Variants in ADAM17 observed in about 807,000 individuals in gnomAD.
ADAM17 encodes the protein disintegrin and metalloproteinase domain-containing protein 17.
A neutral mutation model predicts 96.7 loss-of-function variants in ADAM17; 39 were observed. That is an observed-to-expected ratio of 0.40 (90% CI 0.31 to 0.53). The LOEUF (loss-of-function observed/expected upper bound fraction) is 0.53. Ranked by LOEUF, ADAM17 falls within the 20% of genes least tolerant of loss-of-function variation. The pLI, the probability that ADAM17 is intolerant of heterozygous loss-of-function variation, is 0.44. For missense variants in ADAM17, 777 were observed against 1,013.2 expected, an observed-to-expected ratio of 0.77 and a Z score of 3.17; for synonymous variants, 344 against 359.2, an observed-to-expected ratio of 0.96 and a Z score of 0.48.
At position 9,505,282 on chromosome 2, in the gene ADAM17, T is replaced by G. The variant is rs753420524; in HGVS notation, c.1428A>C (p.Lys476Asn). Residue 476 changes from lysine to asparagine, a missense_variant, in exon 12 of 19, where the codon AAA becomes AAC. Lys to Asn is a moderately conservative substitution (Grantham distance 94, BLOSUM62 0). This residue lies in a region of ADAM17 where 446 missense variants were observed against 664.7 expected (regional missense o/e 0.67). Transcript: ENST00000310823. ...CATCCACCCTCGAGTTCCCACAAAC[T>G]TTATTGCTGCGTTCTTGAAAACACT... ...AQECFQERSN[K>N]VCGNSRVDEG... is the part of the protein sequence containing the mutation. 6.2e-7 allele frequency: 1 copy of G among 1,614,220 alleles called. No individual in the cohort carries two copies. The highest frequency in any genetic ancestry group is 8.5e-7 in the Non-Finnish European group (1 of 1,180,044).
At chr2:9,492,853 A>G in intron 17 of ADAM17, 45 bp downstream of exon 17, 1 of 1,527,674 alleles carries the variant, frequency 6.5e-7, no homozygotes. Flanking sequence ...GGAGTTGATC[A>G]AAATTTAAAT....
intron 2 of ADAM17, among the ~76,000 whole-genome samples, chr2:9,538,266 T>C (rs1293673097): frequency 2.0e-5 from 3 of 152,184 alleles, no homozygotes; most frequent in Non-Finnish European, 2.9e-5. Flanking sequence ...TTGTCAGCTG[T>C]TGTACTGAAA....
At position 9,518,259 on chromosome 2, in the gene ADAM17, CAAAAAA is replaced by C. The variant is rs34863481; in HGVS notation, c.958-18_958-13del. Reference sequence around the variant, plus strand: ...TCAAAGCTAAATTGCTTTGAAAGACCAAAAAAAAAAAAAAAAAAAAAAGCATTCTTA... The same window carrying C: ...TCAAAGCTAAATTGCTTTGAAAGACCAAAAAAAAAAAAAAAAGCATTCTTA... On this transcript the variant is annotated splice_polypyrimidine_tract_variant and intron_variant, in intron 8 of 18. Transcript: ENST00000310823. 7.6e-4 allele frequency: 621 copies of C among 816,310 alleles called. No homozygotes were observed. The highest frequency in any genetic ancestry group is 1.6e-3 in the Middle Eastern group (3 of 1,832). 50.6% of individuals were successfully genotyped at this position (816,310 alleles called of 1,614,324 possible).
chr2:9,552,780 C>T lies in ADAM17; in HGVS notation c.97+2729G>A, dbSNP rs564251868. Among the ~76,000 whole-genome samples, 509 of 152,282 alleles carry T rather than the reference C, an allele frequency of 3.3e-3. 1 individual carries two copies. The highest frequency in any genetic ancestry group is 4.9e-3 in the Non-Finnish European group (331 of 68,020). On this transcript the variant is annotated intron_variant, in intron 1 of 18. Coordinates refer to ENST00000310823, the MANE Select transcript of ADAM17 (RefSeq NM_003183.6). ...CTAAGCTCATATGACTCATAACTTT[C>T]CTAAATTATGCAATTCATAACAGTT...
intron 1 of ADAM17, among the ~76,000 whole-genome samples, chr2:9,554,534 A>G: frequency 6.6e-6 from 1 of 152,230 alleles, no homozygotes; most frequent in East Asian, 1.9e-4. Context: ...AAGAAAAAAA[A>G]TACTACACAT....
chr2:9,555,705 C>G lies in ADAM17; in HGVS notation c.-100G>C. On this transcript the variant is annotated 5_prime_UTR_variant, in exon 1 of 19. Coordinates refer to ENST00000310823, the MANE Select transcript of ADAM17 (RefSeq NM_003183.6). ...CGGGGGAGGACGGGATCCGCCCGGC[C>G]TAGCCCCTCAATCCTCTTTTCCCTC... is the stretch of plus-strand genomic sequence containing the variant. The G allele has an allele frequency of 1.9e-6, 2 of 1,026,686 alleles. No homozygotes were observed. Among genetic ancestry groups the G allele is most frequent in the South Asian group, 1.9e-5 (1 of 53,856 alleles). 63.6% of individuals were successfully genotyped at this position (1,026,686 alleles called of 1,614,324 possible). A position where few individuals can be genotyped will look rare whatever the true frequency, so the allele number is the denominator to read the frequency against.
chr2:9,503,814 G>C (rs1364160648), intron 12 of ADAM17, among the ~76,000 whole-genome samples: 1 of 149,932 alleles, frequency 6.7e-6, no homozygotes, highest in African/African-American at 2.5e-5. Flanking sequence ...CTCCAGCCTG[G>C]GCGACAGAGC....
At chr2:9,541,487 C>G (rs1165771194) in intron 2 of ADAM17, among the ~76,000 whole-genome samples, 2 of 152,094 alleles carry the variant, frequency 1.3e-5, no homozygotes, top group South Asian at 4.1e-4. Context: ...TGCTTGAACC[C>G]GAGAGGTGGA....
intron 2 of ADAM17, among the ~76,000 whole-genome samples, chr2:9,540,280 T>G (rs886651698): frequency 5.9e-5 from 9 of 152,196 alleles, no homozygotes; most frequent in African/African-American, 2.2e-4. Context: ...TCCACCAGTA[T>G]AGCAGAAATA....
At chr2:9,501,250 T>C (rs190339107) in intron 13 of ADAM17, among the ~76,000 whole-genome samples, 8 of 152,108 alleles carry the variant, frequency 5.3e-5, no homozygotes. Flanking sequence ...ACAAGGGCTG[T>C]TAAAAAAAAA....
chr2:9,507,466 C>T (rs1384804014), intron 11 of ADAM17, among the ~76,000 whole-genome samples: 4 of 152,108 alleles, frequency 2.6e-5, no homozygotes, highest in African/African-American at 4.8e-5. Flanking sequence ...CACACCACTG[C>T]ACTCCAGCCT....
intron 12 of ADAM17, among the ~76,000 whole-genome samples, chr2:9,503,837 CAA>C (rs34655910): frequency 1.1e-4 from 14 of 124,758 alleles, no homozygotes; most frequent in Non-Finnish European, 6.6e-5. Flanking sequence ...GACTCCGTCT[CAA>C]AAAAAAAAAA....
intron 18 of ADAM17, 45 bp from the exon 19 acceptor site, chr2:9,490,563 A>G: frequency 6.5e-7 from 1 of 1,539,478 alleles, no homozygotes; most frequent in Non-Finnish European, 8.8e-7. Context: ...TAAAAGATGA[A>G]TCGGAGGTCC....
Position 9,543,415 on chromosome 2 carries a change from A to C in ADAM17, c.98-130T>G, listed in dbSNP as rs1403573264. 18 of 840,340 alleles carry C rather than the reference A, an allele frequency of 2.1e-5. No homozygotes were observed. The South Asian group carries it at 6.0e-4, about 28-fold the overall frequency. 52.1% of individuals were successfully genotyped at this position (840,340 alleles called of 1,614,324 possible). A position where few individuals can be genotyped will look rare whatever the true frequency, so the allele number is the denominator to read the frequency against. ...TAGGAAGTGCCAAGCACAAACTATA[A>C]ATCATTTTTTATCAACAGAAACTCC... is the stretch of plus-strand genomic sequence containing the variant. On this transcript the variant is annotated intron_variant, in intron 1 of 18. Transcript: ENST00000310823.
intron 2 of ADAM17, among the ~76,000 whole-genome samples, chr2:9,538,947 T>A (rs1187227033): frequency 6.6e-6 from 1 of 152,214 alleles, no homozygotes; most frequent in Admixed American, 6.5e-5. Flanking sequence ...TATATCACTT[T>A]CATTTCTTTA....
chr2:9,492,699 A>G (rs1662259158), intron 17 of ADAM17, among the ~76,000 whole-genome samples, 199 bp downstream of exon 17: 1 of 152,190 alleles, frequency 6.6e-6, no homozygotes. Context: ...CCAACACACA[A>G]AAATAGTATT....
chr2:9,510,936 C>T (rs1663700474), intron 10 of ADAM17, among the ~76,000 whole-genome samples: 2 of 152,162 alleles, frequency 1.3e-5, no homozygotes, highest in Non-Finnish European at 2.9e-5. Flanking sequence ...TAAGTAGTAA[C>T]AAATCAATTT....
chr2:9,553,024 T>C (rs1283703176), intron 1 of ADAM17, among the ~76,000 whole-genome samples: 2 of 152,096 alleles, frequency 1.3e-5, no homozygotes, highest in Non-Finnish European at 2.9e-5. Context: ...CTCAATCTAA[T>C]GGTAAGGTTA....
rs773370348 is a variant in ADAM17 at position 9,536,793 on chromosome 2, C to T, written c.266G>A (p.Arg89His). ...CACGACCTTGAAATTTTGTGAAAAA[C>T]GTTCAGTACTTGATGTCAGGTATAA... ...FKLYLTSSTE[R>H]FSQNFKVVVV... The change falls in exon 3 of 19, where the codon CGT becomes CAT. Residue 89 changes from arginine (R) to histidine (H), a missense_variant. Physicochemically the swap from Arg to His is conservative, Grantham distance 29. Coordinates refer to ENST00000310823, the MANE Select transcript of ADAM17 (RefSeq NM_003183.6). The T allele has an allele frequency of 3.7e-6, 6 of 1,613,916 alleles. No individual in the cohort carries two copies. Among genetic ancestry groups the T allele is most frequent in the South Asian group, 3.3e-5 (3 of 91,074 alleles).
Sources: gnomAD v4.1 joint callset for allele counts (sites outside exome capture counted in the v4.1 genomes callset) on GRCh38, gnomAD v4.1.1 for gene constraint, gnomAD v4.1.1 regional missense constraint, MANE v1.5 for transcripts, NCBI Gene and HGNC (gene_info 2026-07-23, HGNC 2026-07-21) for gene names.